Variants in WDR49 observed in about 807,000 individuals in gnomAD.
The protein encoded by WDR49 is cilia- and flagella-associated protein 337.
Under a neutral mutation model 119.5 loss-of-function variants are expected in WDR49, and 107 were observed. That is an observed-to-expected ratio of 0.90 (90% CI 0.77 to 1.05). The LOEUF (loss-of-function observed/expected upper bound fraction) is 1.05. Ranked by LOEUF, WDR49 falls within the 50% of genes least tolerant of loss-of-function variation. The probability of loss-of-function intolerance (pLI) is 0.00; values close to 1 mark genes in which losing one functional copy is unlikely to be tolerated. For synonymous variants in WDR49, 425 were observed against 418.8 expected (o/e 1.01, Z -0.18); for missense variants, 1,240 against 1,220.5 (o/e 1.02, Z -0.24).
chr3:167,498,136 A>T (rs1179596811), intron 18 of WDR49, among the ~76,000 whole-genome samples: 1 of 152,102 alleles, frequency 6.6e-6, no homozygotes, highest in African/African-American at 2.4e-5. Flanking sequence ...CACCGCGCCC[A>T]GCCCCCATTT....
At chr3:167,577,267 G>T (rs1007031943) in intron 7 of WDR49, among the ~76,000 whole-genome samples, 1 of 152,112 alleles carries the variant, frequency 6.6e-6, no homozygotes, top group Non-Finnish European at 1.5e-5. Context: ...AGCTTCACAG[G>T]TGTGAGTGTT....
intron 18 of WDR49, among the ~76,000 whole-genome samples, chr3:167,490,851 A>G (rs1751106405): frequency 6.6e-6 from 1 of 151,890 alleles, no homozygotes; most frequent in African/African-American, 2.4e-5. Context: ...TGGAAACACC[A>G]CTTTCGGGAT....
At chr3:167,536,615 G>A (rs7644402) in intron 11 of WDR49, among the ~76,000 whole-genome samples, 40,669 of 150,228 alleles carry the variant, frequency 0.27, 6,572 homozygotes, top group African/African-American at 0.46. Flanking sequence ...GGCAGGTGGA[G>A]GTTACAATCA....
At chr3:167,595,091 C>G (rs1319914536) in intron 7 of WDR49, among the ~76,000 whole-genome samples, 1 of 150,956 alleles carries the variant, frequency 6.6e-6, no homozygotes, top group Non-Finnish European at 1.5e-5. Context: ...AACAGAGAGC[C>G]AAATCATGAG....
intron 9 of WDR49, among the ~76,000 whole-genome samples, chr3:167,558,970 T>C (rs1050503392): frequency 6.6e-6 from 1 of 152,208 alleles, no homozygotes; most frequent in Non-Finnish European, 1.5e-5. Context: ...GTTGTCCTGG[T>C]ACCTTCACAC....
At chr3:167,549,190 T>A (rs1437180517) in intron 10 of WDR49, among the ~76,000 whole-genome samples, 3 of 152,236 alleles carry the variant, frequency 2.0e-5, no homozygotes, top group African/African-American at 7.2e-5. Context: ...TGATTTATAA[T>A]CCACTGGGTA....
chr3:167,545,816 C>A (rs116205254), intron 10 of WDR49, among the ~76,000 whole-genome samples: 3,189 of 150,382 alleles, frequency 0.021, 115 homozygotes, highest in African/African-American at 0.074. Flanking sequence ...CACTAAATAA[C>A]TTTTCCTTGC....
chr3:167,602,769 T>TCAG (rs1715844099), intron 6 of WDR49, among the ~76,000 whole-genome samples: 1 of 152,172 alleles, frequency 6.6e-6, no homozygotes, highest in African/African-American at 2.4e-5. Context: ...TCATAACATT[T>TCAG]CAGCCAACAA....
chr3:167,523,666 G>T (rs1043450613), intron 15 of WDR49, among the ~76,000 whole-genome samples: 3 of 152,050 alleles, frequency 2.0e-5, no homozygotes, highest in Admixed American at 6.6e-5. Context: ...CTGTTCCTGT[G>T]TTAGTTTGCT....
At chr3:167,568,053 G>T (rs1713710356) in intron 8 of WDR49, among the ~76,000 whole-genome samples, 1 of 152,136 alleles carries the variant, frequency 6.6e-6, no homozygotes, top group African/African-American at 2.4e-5. Flanking sequence ...ATCCCTTCCT[G>T]CCTTAAATCC....
At chr3:167,586,912 T>C (rs760919005) in intron 7 of WDR49, among the ~76,000 whole-genome samples, 12 of 152,230 alleles carry the variant, frequency 7.9e-5, no homozygotes, top group Non-Finnish European at 1.5e-4. Flanking sequence ...TTTTACGTTA[T>C]AAAACCTCTC....
At chr3:167,613,833 T>C (rs1208927392) in intron 5 of WDR49, among the ~76,000 whole-genome samples, 1 of 151,062 alleles carries the variant, frequency 6.6e-6, no homozygotes, top group Non-Finnish European at 1.5e-5. Context: ...TAATCCCAGG[T>C]ACTCGGGAGG....
At chr3:167,633,235 A>C (rs2108332632) in intron 2 of WDR49, among the ~76,000 whole-genome samples, 1 of 152,014 alleles carries the variant, frequency 6.6e-6, no homozygotes, top group South Asian at 2.1e-4. Flanking sequence ...GGTGCAGGAG[A>C]CTGTACCAGC....
chr3:167,604,609 A>G, intron 5 of WDR49, 141 bp from the exon 6 acceptor site: 1 of 800,866 alleles, frequency 1.2e-6, no homozygotes, highest in Non-Finnish European at 1.9e-6. Flanking sequence ...AAAACACCTC[A>G]CAAACCCCTT....
chr3:167,631,043 C>G (rs1717346116), intron 2 of WDR49, among the ~76,000 whole-genome samples: 1 of 151,306 alleles, frequency 6.6e-6, no homozygotes, highest in African/African-American at 2.4e-5. Context: ...AAAAACGTGG[C>G]ACTAAAGAGA....
At chr3:167,496,630 T>C (rs942683242) in intron 18 of WDR49, among the ~76,000 whole-genome samples, 1 of 152,220 alleles carries the variant, frequency 6.6e-6, no homozygotes, top group African/African-American at 2.4e-5. Flanking sequence ...TGTCTACTTA[T>C]CTATTTCCCC....
chr3:167,585,858 G>C (rs1402602738), intron 7 of WDR49, among the ~76,000 whole-genome samples: 2 of 152,064 alleles, frequency 1.3e-5, no homozygotes. Flanking sequence ...AAATGGATTT[G>C]AAGGGGAAAT....
At chr3:167,640,659 A>C (rs1459485792) in intron 2 of WDR49, among the ~76,000 whole-genome samples, 1 of 151,908 alleles carries the variant, frequency 6.6e-6, no homozygotes, top group Non-Finnish European at 1.5e-5. Flanking sequence ...GGAAAATGAA[A>C]TCTGAGTTAT....
chr3:167,624,751 T>C (rs1175669046), intron 3 of WDR49, among the ~76,000 whole-genome samples: 1 of 152,074 alleles, frequency 6.6e-6, no homozygotes, highest in Non-Finnish European at 1.5e-5. Context: ...AAAACAAATA[T>C]TATATGAAAA....
Sources: gnomAD v4.1 joint callset for allele counts (sites outside exome capture counted in the v4.1 genomes callset) on GRCh38, gnomAD v4.1.1 for gene constraint, MANE v1.5 for transcripts, NCBI Gene and HGNC (gene_info 2026-07-23, HGNC 2026-07-21) for gene names.